Variants in PCDH15 observed in about 807,000 individuals in gnomAD.
The protein encoded by PCDH15 is protocadherin related 15, also known as protocadherin-15.
A neutral mutation model predicts 178.5 loss-of-function variants in PCDH15; 129 were observed. The observed-to-expected ratio is 0.72, with a 90% CI of 0.63 to 0.84. The LOEUF is 0.84. PCDH15 is among the 40% of genes least tolerant of loss of function. PCDH15 has a pLI of 0.00. For synonymous variants in PCDH15, 800 were observed against 732.0 expected, an observed-to-expected ratio of 1.09 and a Z score of -1.50; for missense variants, 2,230 against 2,099.9, an observed-to-expected ratio of 1.06 and a Z score of -1.21.
intron 2 of PCDH15, among the ~76,000 whole-genome samples, chr10:55,439,606 T>TTA (rs1554869072): frequency 2.1e-5 from 3 of 145,384 alleles, no homozygotes; most frequent in Non-Finnish European, 4.6e-5. Flanking sequence ...TTTTTTTTTT[T>TTA]AAATGATGAA....
At chr10:54,432,963 G>A (rs1957127547) in intron 3 of PCDH15, among the ~76,000 whole-genome samples, 1 of 152,110 alleles carries the variant, frequency 6.6e-6, no homozygotes, top group Non-Finnish European at 1.5e-5. Context: ...ACGGGAACAT[G>A]AGGAGGTGCT....
chr10:54,688,398 C>A (rs1368014691), intron 1 of PCDH15, among the ~76,000 whole-genome samples: 2 of 152,056 alleles, frequency 1.3e-5, no homozygotes, highest in Non-Finnish European at 2.9e-5. Flanking sequence ...GCAGTTCAAT[C>A]TGACTCTGGC....
intron 3 of PCDH15, among the ~76,000 whole-genome samples, chr10:54,843,025 T>A (rs952530040): frequency 6.6e-6 from 1 of 152,002 alleles, no homozygotes; most frequent in Admixed American, 6.6e-5. Context: ...CTCCAGCTTA[T>A]ACGATCCTTT....
intron 8 of PCDH15, among the ~76,000 whole-genome samples, chr10:54,304,452 T>C (rs2060342644): frequency 1.3e-5 from 2 of 152,044 alleles, no homozygotes; most frequent in African/African-American, 4.8e-5. Context: ...TTGCAAGTTC[T>C]GAGAAAAGAG....
At chr10:54,311,157 T>G (rs1311145525) in intron 8 of PCDH15, among the ~76,000 whole-genome samples, 1 of 152,022 alleles carries the variant, frequency 6.6e-6, no homozygotes, top group Non-Finnish European at 1.5e-5. Flanking sequence ...AATCCAATGG[T>G]TTTAAACAGG....
intron 8 of PCDH15, among the ~76,000 whole-genome samples, chr10:54,239,105 C>A (rs2054951997): frequency 6.6e-6 from 1 of 152,024 alleles, no homozygotes; most frequent in Admixed American, 6.6e-5. Flanking sequence ...TGAATCTTAG[C>A]TTTTCGTTTG....
intron 2 of PCDH15, among the ~76,000 whole-genome samples, chr10:54,972,514 T>A (rs568666153): frequency 6.6e-6 from 1 of 151,262 alleles, no homozygotes; most frequent in Admixed American, 6.6e-5. Flanking sequence ...CACTCCAGAC[T>A]GGGGGACAAG....
intron 2 of PCDH15, among the ~76,000 whole-genome samples, chr10:55,588,844 G>C (rs1037530768): frequency 2.6e-5 from 4 of 152,100 alleles, no homozygotes; most frequent in Non-Finnish European, 5.9e-5. Context: ...CACTTTTGGA[G>C]GCCGAGGTGG....
At chr10:55,609,015 TAC>T (rs1290621408) in intron 2 of PCDH15, among the ~76,000 whole-genome samples, 11,886 of 126,696 alleles carry the variant, frequency 0.094, 506 homozygotes, top group African/African-American at 0.13. Context: ...TATATATATA[TAC>T]ACACACACAC....
At chr10:54,905,887 C>T (rs2131829769) in intron 2 of PCDH15, among the ~76,000 whole-genome samples, 1 of 152,186 alleles carries the variant, frequency 6.6e-6, no homozygotes, top group South Asian at 2.1e-4. Flanking sequence ...AGCAGATTAA[C>T]CGATTTACTT....
At chr10:54,668,620 C>T (rs1294931014) in intron 1 of PCDH15, among the ~76,000 whole-genome samples, 2 of 152,138 alleles carry the variant, frequency 1.3e-5, no homozygotes, top group Non-Finnish European at 2.9e-5. Context: ...CTGTTTATCC[C>T]TGCTCCCTGA....
At chr10:54,694,508 G>T (rs771627691) in intron 1 of PCDH15, among the ~76,000 whole-genome samples, 4 of 151,866 alleles carry the variant, frequency 2.6e-5, no homozygotes, top group Non-Finnish European at 5.9e-5. Flanking sequence ...GTGGCAACCT[G>T]GTGTCCAACA....
chr10:55,467,690 G>T (rs1448432496), intron 2 of PCDH15, among the ~76,000 whole-genome samples: 1 of 151,874 alleles, frequency 6.6e-6, no homozygotes, highest in Non-Finnish European at 1.5e-5. Flanking sequence ...GTGAGGCTGG[G>T]CGTGGTGGTT....
chr10:55,428,234 C>T (rs971065452), intron 2 of PCDH15, among the ~76,000 whole-genome samples: 5 of 151,840 alleles, frequency 3.3e-5, no homozygotes, highest in African/African-American at 7.2e-5. Flanking sequence ...TTGTCATCTA[C>T]CTATCCCATC....
At chr10:54,993,825 A>G (rs1839572297) in intron 2 of PCDH15, among the ~76,000 whole-genome samples, 1 of 152,180 alleles carries the variant, frequency 6.6e-6, no homozygotes, top group Admixed American at 6.5e-5. Flanking sequence ...TACTGAATAA[A>G]ATAAATTTTA....
intron 1 of PCDH15, among the ~76,000 whole-genome samples, chr10:55,265,648 A>C (rs1842269920): frequency 6.6e-6 from 1 of 152,144 alleles, no homozygotes; most frequent in Non-Finnish European, 1.5e-5. Context: ...CTTGCACAGG[A>C]CTAAGACCAA....
intron 1 of PCDH15, among the ~76,000 whole-genome samples, chr10:54,738,064 G>T (rs997894374): frequency 1.3e-5 from 2 of 152,022 alleles, no homozygotes; most frequent in African/African-American, 4.8e-5. Context: ...ATGTTCTGGA[G>T]AATAACGAAC....
At chr10:53,819,734 T>C (rs948781889) in intron 33 of PCDH15, among the ~76,000 whole-genome samples, 1 of 151,818 alleles carries the variant, frequency 6.6e-6, no homozygotes, top group Admixed American at 6.6e-5. Context: ...TTGTAAGCAG[T>C]TAGGGTTTGA....
intron 3 of PCDH15, among the ~76,000 whole-genome samples, chr10:54,813,732 A>G (rs1021064493): frequency 1.4e-4 from 22 of 152,266 alleles, no homozygotes; most frequent in South Asian, 4.1e-4. Context: ...TCTTCAATCT[A>G]TTCTGCACAT....
Sources: allele counts gnomAD v4.1 joint callset (sites outside exome capture counted in the v4.1 genomes callset), GRCh38; gene constraint gnomAD v4.1.1; transcripts MANE v1.5; gene names NCBI Gene and HGNC (gene_info 2026-07-23, HGNC 2026-07-21).